CAMTA1: variants seen among roughly 807,000 people sequenced by gnomAD.
The protein encoded by CAMTA1 is calmodulin binding transcription activator 1.
A neutral mutation model predicts 170.9 loss-of-function variants in CAMTA1; 27 were observed. That is an observed-to-expected ratio of 0.16 (90% confidence interval 0.12 to 0.22). The LOEUF (loss-of-function observed/expected upper bound fraction) is 0.22, where lower values mean the gene tolerates loss of function less well. CAMTA1 is among the 10% of genes least tolerant of loss of function. The pLI is 1.00. For missense variants in CAMTA1, 1,619 were observed against 2,217.2 expected, an observed-to-expected ratio of 0.73 and a Z score of 5.42; for synonymous variants, 833 against 891.5, an observed-to-expected ratio of 0.93 and a Z score of 1.17.
intron 3 of CAMTA1, among the ~76,000 whole-genome samples, chr1:7,011,168 T>C (rs72856265): frequency 0.012 from 1,853 of 152,258 alleles, 39 homozygotes; most frequent in African/African-American, 0.042. Flanking sequence ...GGTTGAAGGG[T>C]GATTCAGTGT....
At chr1:7,337,753 G>A (rs913049976) in intron 5 of CAMTA1, among the ~76,000 whole-genome samples, 2 of 152,154 alleles carry the variant, frequency 1.3e-5, no homozygotes, top group South Asian at 2.1e-4. Flanking sequence ...AGAGCAGACC[G>A]AGGTTTCCCT....
chr1:7,297,353 C>T (rs1385200660), intron 5 of CAMTA1, among the ~76,000 whole-genome samples: 1 of 152,144 alleles, frequency 6.6e-6, no homozygotes, highest in African/African-American at 2.4e-5. Context: ...TTTTATTTTG[C>T]CCTTATTCCT....
intron 3 of CAMTA1, among the ~76,000 whole-genome samples, chr1:7,028,543 G>A (rs966856676): frequency 1.3e-5 from 2 of 152,148 alleles, no homozygotes; most frequent in Admixed American, 1.3e-4. Flanking sequence ...TGCCGTCCAT[G>A]AATCCGAGAC....
chr1:7,207,320 G>T (rs1443746985), intron 4 of CAMTA1, among the ~76,000 whole-genome samples: 1 of 152,216 alleles, frequency 6.6e-6, no homozygotes, highest in Non-Finnish European at 1.5e-5. Flanking sequence ...GTGATACCCA[G>T]TGAGCGTGTC....
chr1:7,761,537 C>G (rs1452192224), intron 22 of CAMTA1, among the ~76,000 whole-genome samples: 1 of 152,140 alleles, frequency 6.6e-6, no homozygotes, highest in Non-Finnish European at 1.5e-5. Context: ...TAACCCTTAG[C>G]TAAGTGTGTG....
chr1:7,318,180 C>T (rs1052654411), intron 5 of CAMTA1, among the ~76,000 whole-genome samples: 4 of 152,222 alleles, frequency 2.6e-5, no homozygotes, highest in African/African-American at 9.6e-5. Flanking sequence ...CTGTGTTCCT[C>T]CAAATAAGGC....
intron 3 of CAMTA1, among the ~76,000 whole-genome samples, chr1:6,935,118 C>T (rs1685085607): frequency 6.6e-6 from 1 of 152,172 alleles, no homozygotes; most frequent in Admixed American, 6.5e-5. Context: ...AGTTTTTATT[C>T]TAGAATTTGA....
Position 6,879,753 on chromosome 1 carries a change from C to T in CAMTA1, c.234+54543C>T, listed in dbSNP as rs186736433. On this transcript the variant is annotated intron_variant, in intron 3 of 22. Transcript: ENST00000303635. The stretch of plus-strand genomic sequence containing the variant: ...AAGCAGGCCTCCTGCCTCAACCTCC[C>T]GAGTAGCTGGGACTACCTTTGCTGC... Among the ~76,000 whole-genome samples the T allele has an allele frequency of 1.9e-4, 29 of 151,848 alleles. No individual in the cohort carries two copies. The East Asian group carries it at 5.0e-3, about 26-fold the overall frequency.
At chr1:7,018,900 G>A (rs1700961095) in intron 3 of CAMTA1, among the ~76,000 whole-genome samples, 1 of 152,226 alleles carries the variant, frequency 6.6e-6, no homozygotes, top group Non-Finnish European at 1.5e-5. Flanking sequence ...GCAGCGGGGA[G>A]GGCACTGTGG....
At chr1:7,518,869 G>A (rs1472471589) in intron 6 of CAMTA1, among the ~76,000 whole-genome samples, 14 of 151,994 alleles carry the variant, frequency 9.2e-5, no homozygotes, top group South Asian at 4.1e-4. Context: ...CCCTCATTGA[G>A]TGCTCCCGAA....
chr1:7,226,791 C>T (rs576292895), intron 4 of CAMTA1, among the ~76,000 whole-genome samples: 30 of 152,192 alleles, frequency 2.0e-4, no homozygotes, highest in African/African-American at 6.0e-4. Context: ...CTATCAATAT[C>T]CTGTGATTCA....
chr1:6,860,737 C>T (rs78648995), intron 3 of CAMTA1, among the ~76,000 whole-genome samples: 3 of 151,802 alleles, frequency 2.0e-5, no homozygotes, highest in South Asian at 2.1e-4. Flanking sequence ...ATGGTGAAAC[C>T]CCATCTCTAC....
At chr1:7,161,558 TA>T (rs564068446) in intron 4 of CAMTA1, among the ~76,000 whole-genome samples, 119 of 152,310 alleles carry the variant, frequency 7.8e-4, no homozygotes, top group Admixed American at 2.0e-3. Context: ...TGGATGGTTT[TA>T]AAAACAAGAG....
intron 3 of CAMTA1, among the ~76,000 whole-genome samples, chr1:7,076,477 G>A (rs566716856): frequency 1.3e-5 from 2 of 152,108 alleles, no homozygotes; most frequent in East Asian, 1.9e-4. Flanking sequence ...TAACATTAAC[G>A]AGCAAGAGAA....
intron 5 of CAMTA1, among the ~76,000 whole-genome samples, chr1:7,432,030 A>G (rs1302538627): frequency 6.6e-6 from 1 of 152,216 alleles, no homozygotes; most frequent in Non-Finnish European, 1.5e-5. Flanking sequence ...CTGGTCCCCA[A>G]GAAGCCTGCA....
At chr1:7,062,977 C>T (rs1367210158) in intron 3 of CAMTA1, among the ~76,000 whole-genome samples, 1 of 152,224 alleles carries the variant, frequency 6.6e-6, no homozygotes, top group Non-Finnish European at 1.5e-5. Flanking sequence ...ATGACTTCAT[C>T]TTAACTAGAT....
chr1:7,243,750 T>C (rs1665294399), intron 4 of CAMTA1, among the ~76,000 whole-genome samples: 1 of 152,238 alleles, frequency 6.6e-6, no homozygotes, highest in Non-Finnish European at 1.5e-5. Context: ...AGTAGTTTTT[T>C]TCCAATTCTG....
intron 2 of CAMTA1, among the ~76,000 whole-genome samples, chr1:6,823,208 G>A (rs969744143): frequency 3.7e-4 from 57 of 152,074 alleles, no homozygotes; most frequent in African/African-American, 1.3e-3. Context: ...GGAGGTAAAG[G>A]CTCACGTGAT....
chr1:7,688,783 C>A (rs1374247109), intron 11 of CAMTA1, among the ~76,000 whole-genome samples: 1 of 152,158 alleles, frequency 6.6e-6, no homozygotes, highest in Admixed American at 6.5e-5. Context: ...GCAACCTTGT[C>A]CCCCACATCT....
Sources: allele counts gnomAD v4.1 joint callset (sites outside exome capture counted in the v4.1 genomes callset), GRCh38; gene constraint gnomAD v4.1.1; transcripts MANE v1.5; gene names NCBI Gene and HGNC (gene_info 2026-07-23, HGNC 2026-07-21).